Variants in RNF17 observed in about 807,000 individuals in gnomAD.
The protein encoded by RNF17 is ring finger protein 17, also known as spermatogenesis associated 23.
Under a neutral mutation model 200.5 loss-of-function variants are expected in RNF17, and 31 were observed. That is an observed-to-expected ratio of 0.15 (90% CI 0.12 to 0.21). The LOEUF is 0.21. Among genes scored for constraint, RNF17 ranks in the 10% least tolerant of loss-of-function variants. The pLI, the probability that RNF17 is intolerant of heterozygous loss-of-function variation, is 1.00. For synonymous variants in RNF17, 606 were observed against 637.8 expected (o/e 0.95, Z 0.75); for missense variants, 1,628 against 1,905.1 (o/e 0.85, Z 2.71).
chr13:24,885,689 CA>C, the RNF17 span: 1 of 1,588,086 alleles, frequency 6.3e-7, no homozygotes, highest in Non-Finnish European at 8.6e-7. Flanking sequence ...ATAAAATTGT[CA>C]AGAGTTAGAT....
downstream of RNF17, chr13:24,883,252 T>TTGA (rs1566275140): frequency 6.2e-7 from 1 of 1,614,146 alleles, no homozygotes; most frequent in Admixed American, 1.7e-5. Context: ...ACTTCGTTTC[T>TTGA]TGATGACCGT....
the RNF17 span, chr13:24,751,030 C>T: frequency 6.6e-6 from 1 of 152,030 alleles, no homozygotes; most frequent in Admixed American, 6.6e-5. Flanking sequence ...GAATTAAATT[C>T]AATACCCTAA....
rs571536288 is a variant in RNF17, at chr13:24,818,312, T to C, written c.2092-7307T>C. On this transcript the variant is annotated intron_variant, in intron 15 of 35. Coordinates refer to ENST00000255324, the MANE Select transcript of RNF17 (RefSeq NM_031277.3). ...CCTAACATATGGTCTATTCTGAGAA[T>C]GTTCTAAGTGGCCTTGTAGGAAAAA... Among the ~76,000 whole-genome samples, 20 of 152,296 alleles carry C rather than the reference T, an allele frequency of 1.3e-4. No homozygotes were observed. The South Asian group carries it at 4.1e-3, about 32-fold the overall frequency.
At chr13:24,838,436 A>G (rs1350768957) in intron 18 of RNF17, among the ~76,000 whole-genome samples, 1 of 152,216 alleles carries the variant, frequency 6.6e-6, no homozygotes, top group Non-Finnish European at 1.5e-5. Flanking sequence ...ATCCTTAACA[A>G]AATACTAGCT....
chr13:24,754,028 G>C, the RNF17 span, among the ~76,000 whole-genome samples: 1 of 151,842 alleles, frequency 6.6e-6, no homozygotes, highest in Non-Finnish European at 1.5e-5. Context: ...TGTCGTGATG[G>C]GTGCCTGTAA....
chr13:24,786,833 C>T (rs960566085), intron 6 of RNF17, among the ~76,000 whole-genome samples: 3 of 152,096 alleles, frequency 2.0e-5, no homozygotes, highest in Admixed American at 1.3e-4. Flanking sequence ...GTTCCTTGAG[C>T]TCTTAGATTT....
intron 14 of RNF17, among the ~76,000 whole-genome samples, chr13:24,802,917 G>A (rs867551007): frequency 2.6e-5 from 4 of 152,140 alleles, no homozygotes; most frequent in Admixed American, 1.3e-4. Flanking sequence ...TTAACCAGGC[G>A]TGGTGGCATG....
intron 6 of RNF17, among the ~76,000 whole-genome samples, chr13:24,785,377 C>T (rs550413333): frequency 1.6e-4 from 25 of 152,158 alleles, no homozygotes; most frequent in Admixed American, 4.6e-4. Context: ...ATGAATCTTC[C>T]GGGGTTTTTT....
At position 24,842,149 on chromosome 13, in the gene RNF17, C is replaced by G. The variant is rs9551156; in HGVS notation, c.2591C>G (p.Ser864Cys). Residue 864 changes from serine (S) to cysteine (C), a missense_variant, in exon 19 of 36, where the codon TCT becomes TGT. Ser to Cys is a moderately radical substitution (Grantham distance 112). This residue lies in a region of RNF17 where 227 missense variants were observed against 319.8 expected (regional missense o/e 0.71). Transcript: ENST00000255324. ...NDQLVKEGLA[S>C]YEIGYILKDN... ...CAGCTAGTTAAAGAGGGCCTAGCAT[C>G]TTATGAAATAGGGTAAGTAGATATG... is the stretch of plus-strand genomic sequence containing the variant. 1.2e-6 allele frequency: 2 copies of G among 1,601,714 alleles called. No homozygotes were observed. Among genetic ancestry groups the G allele is most frequent in the African/African-American group, 2.7e-5 (2 of 74,210 alleles).
At chr13:24,885,748 G>A in the RNF17 span, 4 of 1,008,168 alleles carry the variant, frequency 4.0e-6, no homozygotes, top group Admixed American at 3.5e-5. Context: ...CATTTCCTTA[G>A]TTCATATCCT....
intron 1 of RNF17, 115 bp downstream of exon 1, chr13:24,764,448 A>G (rs9578783): frequency 0.99 from 1,349,125 of 1,363,406 alleles, 668,554 homozygotes; most frequent in East Asian, 1. Context: ...TGGTGTCACC[A>G]GAAACTGCGT....
intron 2 of RNF17, among the ~76,000 whole-genome samples, chr13:24,771,638 C>A (rs79652674): frequency 5.0e-5 from 7 of 140,568 alleles, no homozygotes; most frequent in African/African-American, 1.8e-4. Context: ...CTAGGTAGGG[C>A]TTTTTTTTTT....
intron 5 of RNF17, 100 bp from the exon 6 acceptor site, chr13:24,781,744 T>C: frequency 1.4e-6 from 1 of 721,824 alleles, no homozygotes; most frequent in Non-Finnish European, 2.3e-6. Flanking sequence ...TTGTGTTATT[T>C]TGAAGAGTCT....
At chr13:24,785,771 T>C (rs929023740) in intron 6 of RNF17, among the ~76,000 whole-genome samples, 6 of 152,200 alleles carry the variant, frequency 3.9e-5, no homozygotes, top group African/African-American at 1.4e-4. Flanking sequence ...TGTTTTGGGG[T>C]TCTAATATTG....
At chr13:24,810,888 C>A (rs2137818763) in intron 15 of RNF17, among the ~76,000 whole-genome samples, 1 of 149,536 alleles carries the variant, frequency 6.7e-6, no homozygotes, top group East Asian at 2.0e-4. Context: ...TTTTATTTCT[C>A]CTTCACTTAT....
chr13:24,881,929 T>G (rs1184615179), downstream of RNF17, among the ~76,000 whole-genome samples: 1 of 114,324 alleles, frequency 8.7e-6, no homozygotes, highest in South Asian at 2.7e-4. Context: ...TATATAGATA[T>G]ATAGATACAT....
At chr13:24,833,116 A>C (rs932762326) in intron 18 of RNF17, among the ~76,000 whole-genome samples, 2 of 152,142 alleles carry the variant, frequency 1.3e-5, no homozygotes, top group African/African-American at 4.8e-5. Context: ...GGCTGGGCTT[A>C]ATGAATAGTA....
chr13:24,870,832 A>G, intron 32 of RNF17, 93 bp downstream of exon 32: 1 of 921,600 alleles, frequency 1.1e-6, no homozygotes, highest in Non-Finnish European at 1.6e-6. Flanking sequence ...TCTAATGCTG[A>G]TATTTTCCTC....
Position 24,874,168 on chromosome 13 carries a change from T to C in RNF17, c.4502T>C (p.Val1501Ala). 6.2e-7 allele frequency: 1 copy of C among 1,612,174 alleles called. No individual in the cohort carries two copies. Among genetic ancestry groups the C allele is most frequent in the Non-Finnish European group, 8.5e-7 (1 of 1,179,262 alleles). ...GGCTTATGGTATAGAGCGAAGATTGTTGCCATTAAAGAATTTAATCCTTTA... is the reference window on the plus strand; with the variant it reads ...GGCTTATGGTATAGAGCGAAGATTGCTGCCATTAAAGAATTTAATCCTTTA... ...DDGLWYRAKI[V>A]AIKEFNPLSI... The change falls in exon 33 of 36, where the codon GTT becomes GCT. Residue 1501 changes from valine (V) to alanine (A), a missense_variant. Physicochemically the swap from Val to Ala is moderately conservative, Grantham distance 64. Transcript: ENST00000255324.
Sources: allele counts gnomAD v4.1 joint callset (sites outside exome capture counted in the v4.1 genomes callset), GRCh38; gene constraint gnomAD v4.1.1; regional missense constraint gnomAD v4.1.1; transcripts MANE v1.5; gene names NCBI Gene and HGNC (gene_info 2026-07-23, HGNC 2026-07-21).